Variants in GOLM2 observed in about 807,000 individuals in gnomAD.
GOLM2 encodes the protein golgi membrane protein 2.
Under a neutral mutation model 55.9 loss-of-function variants are expected in GOLM2, and 26 were observed. The observed-to-expected ratio is 0.47, with a 90% CI of 0.34 to 0.65. The LOEUF (loss-of-function observed/expected upper bound fraction) is 0.65, where lower values mean the gene tolerates loss of function less well. Ranked by LOEUF, GOLM2 falls within the 30% of genes least tolerant of loss-of-function variation. GOLM2 has a pLI of 0.01. For missense variants in GOLM2, 486 were observed against 531.8 expected (o/e 0.91, Z 0.85); for synonymous variants, 165 against 194.6 (o/e 0.85, Z 1.27).
chr15:44,344,996 A>G (rs925133472), intron 6 of GOLM2, among the ~76,000 whole-genome samples: 1 of 149,482 alleles, frequency 6.7e-6, no homozygotes, highest in African/African-American at 2.5e-5. Context: ...TTTTTTTAAT[A>G]CAGACGGGGT....
intron 6 of GOLM2, among the ~76,000 whole-genome samples, chr15:44,350,359 T>C (rs2141158994): frequency 6.6e-6 from 1 of 152,240 alleles, no homozygotes; most frequent in South Asian, 2.1e-4. Context: ...ATGCCAGTAA[T>C]TTGGAAAACC....
chr15:44,323,211 A>C (rs1313459599), intron 2 of GOLM2, among the ~76,000 whole-genome samples, 192 bp downstream of exon 2: 8 of 152,154 alleles, frequency 5.3e-5, no homozygotes, highest in Non-Finnish European at 1.2e-4. Context: ...TGATAAATCC[A>C]AGTTAAAATT....
chr15:44,366,820 C>T (rs2079289266), intron 6 of GOLM2, among the ~76,000 whole-genome samples: 1 of 151,932 alleles, frequency 6.6e-6, no homozygotes, highest in South Asian at 2.1e-4. Context: ...TATAATCATG[C>T]TACCCGTACT....
At chr15:44,395,623 C>T (rs886579320) in intron 8 of GOLM2, among the ~76,000 whole-genome samples, 3 of 151,374 alleles carry the variant, frequency 2.0e-5, no homozygotes, top group African/African-American at 7.3e-5. Flanking sequence ...GGGCGAATCA[C>T]AAGGTCAAAA....
In GOLM2 at chr15:44,379,767, C is replaced by A; in HGVS notation, c.880C>A (p.Leu294Ile). The change falls in exon 7 of 10, where the codon CTC (leucine) becomes ATC (isoleucine). Residue 294 changes from leucine to isoleucine, a missense_variant. Physicochemically the swap from Leu to Ile is conservative, Grantham distance 5. Coordinates refer to ENST00000299957, the MANE Select transcript of GOLM2 (RefSeq NM_138423.4). Reference sequence around the variant, plus strand: ...CTCCCATCTTCCAACTGGACAACCTCTCTCCCCAAATATGCCTCCAGGTAT... The same window carrying A: ...CTCCCATCTTCCAACTGGACAACCTATCTCCCCAAATATGCCTCCAGGTAT... ...AISHLPTGQP[L>I]SPNMPPDSHI... is the part of the protein sequence containing the mutation. 1 of 1,610,008 alleles carries A rather than the reference C, an allele frequency of 6.2e-7. No individual in the cohort carries two copies. The highest frequency in any genetic ancestry group is 1.7e-4 in the Middle Eastern group (1 of 6,050).
Position 44,292,310 on chromosome 15 carries a change from C to T in GOLM2, c.327+2954C>T, listed in dbSNP as rs570418128. Among the ~76,000 whole-genome samples the T allele has an allele frequency of 1.1e-4, 16 of 150,968 alleles. No individual in the cohort carries two copies. In the South Asian group the frequency reaches 3.3e-3, roughly 32 times the overall value. On this transcript the variant is annotated intron_variant, in intron 1 of 9. Transcript: ENST00000299957. ...CCTCCTGGGTTCACGCCATTCTCTG[C>T]TTCAGCCTCCTGAGTAGCTGGGACT...
intron 1 of GOLM2, among the ~76,000 whole-genome samples, chr15:44,321,670 TG>T (rs1379890330): frequency 1.3e-5 from 2 of 152,140 alleles, no homozygotes; most frequent in African/African-American, 4.8e-5. Context: ...ATGCACCCAT[TG>T]TGGGAAATTA....
intron 6 of GOLM2, among the ~76,000 whole-genome samples, chr15:44,350,766 A>T (rs1342203555): frequency 1.3e-5 from 2 of 152,206 alleles, no homozygotes; most frequent in Non-Finnish European, 2.9e-5. Context: ...TATTAAAAAG[A>T]TCATGTATCA....
chr15:44,345,074 G>T (rs1346309182), intron 6 of GOLM2, among the ~76,000 whole-genome samples: 1 of 151,566 alleles, frequency 6.6e-6, no homozygotes. Flanking sequence ...GCCTCCCAAA[G>T]TGCTGGAATT....
chr15:44,292,891 T>C (rs886427767), intron 1 of GOLM2, among the ~76,000 whole-genome samples: 1 of 152,154 alleles, frequency 6.6e-6, no homozygotes, highest in African/African-American at 2.4e-5. Flanking sequence ...CATAGTTTAC[T>C]ACAGCCTCAA....
chr15:44,405,772 C>T (rs779203322), intron 9 of GOLM2, among the ~76,000 whole-genome samples: 4 of 152,060 alleles, frequency 2.6e-5, no homozygotes, highest in Non-Finnish European at 5.9e-5. Flanking sequence ...AGCCGTGCAC[C>T]ACCACGTCCA....
intron 1 of GOLM2, among the ~76,000 whole-genome samples, chr15:44,310,058 A>AT (rs2078862918): frequency 6.6e-6 from 1 of 151,830 alleles, no homozygotes; most frequent in Non-Finnish European, 1.5e-5. Flanking sequence ...TAATTTTTGT[A>AT]TTTTTTGTAG....
At chr15:44,300,125 AAAG>A (rs1489446259) in intron 1 of GOLM2, among the ~76,000 whole-genome samples, 3 of 149,772 alleles carry the variant, frequency 2.0e-5, no homozygotes, top group Admixed American at 1.3e-4. Flanking sequence ...GGAAAAAAGA[AAAG>A]AAGAGAGGAG....
intron 1 of GOLM2, chr15:44,307,756 G>A (rs1382037363): frequency 6.6e-6 from 1 of 152,152 alleles, no homozygotes; most frequent in Admixed American, 6.5e-5. Flanking sequence ...TTACAAAGGG[G>A]TTTGAGAATA....
chr15:44,374,714 AACT>A (rs987810319), intron 6 of GOLM2, among the ~76,000 whole-genome samples: 10 of 152,130 alleles, frequency 6.6e-5, no homozygotes, highest in Non-Finnish European at 1.3e-4. Context: ...ACTTTTAAAC[AACT>A]AGATCCTGTG....
In GOLM2 at chr15:44,342,406, G is replaced by A. The variant is rs184781844; in HGVS notation, c.802+4089G>A. Among the ~76,000 whole-genome samples, 666 of 152,174 alleles carry A rather than the reference G, an allele frequency of 4.4e-3. 4 individuals carry two copies. The highest frequency in any genetic ancestry group is 0.015 in the African/African-American group (634 of 41,512). ...CGGCTCCCGAGTAGCTGGGACTACA[G>A]GCATGTGCCACCACATCCAGCTAAT... On this transcript the variant is annotated intron_variant, in intron 6 of 9. Transcript: ENST00000299957.
At chr15:44,409,182 G>A (rs1277915118) in intron 9 of GOLM2, among the ~76,000 whole-genome samples, 1 of 149,080 alleles carries the variant, frequency 6.7e-6, no homozygotes, top group Non-Finnish European at 1.5e-5. Context: ...TACTCGGGAG[G>A]CTGAGGCAGG....
chr15:44,404,203 G>A (rs2079583567), intron 9 of GOLM2, among the ~76,000 whole-genome samples: 1 of 151,988 alleles, frequency 6.6e-6, no homozygotes, highest in Admixed American at 6.6e-5. Context: ...ATCATAACAT[G>A]CTTTGATTTC....
At chr15:44,327,177 C>T (rs1044358186) in intron 2 of GOLM2, among the ~76,000 whole-genome samples, 21 of 151,326 alleles carry the variant, frequency 1.4e-4, no homozygotes, top group African/African-American at 5.1e-4. Flanking sequence ...TCTCGAACTC[C>T]TGACCTCAGG....
Sources: allele counts gnomAD v4.1 joint callset (sites outside exome capture counted in the v4.1 genomes callset), GRCh38; gene constraint gnomAD v4.1.1; transcripts MANE v1.5; gene names NCBI Gene and HGNC (gene_info 2026-07-23, HGNC 2026-07-21).